The following METTL15 variants were observed in gnomAD, a reference collection of about 807,000 sequenced individuals.
METTL15 encodes the protein methyltransferase 15, mitochondrial 12S rRNA N4-cytidine.
METTL15 carries 34 observed loss-of-function variants against 38.3 expected under a neutral mutation model. That is an observed-to-expected ratio of 0.89 (90% CI 0.68 to 1.18). The LOEUF (loss-of-function observed/expected upper bound fraction) is 1.18. Ranked by LOEUF, METTL15 falls within the 50% of genes most tolerant of loss-of-function variation. The pLI is 0.00. For missense variants in METTL15, 438 were observed against 498.4 expected, an observed-to-expected ratio of 0.88 and a Z score of 1.15; for synonymous variants, 162 against 170.9, an observed-to-expected ratio of 0.95 and a Z score of 0.41.
At chr11:28,286,664 A>G (rs1158610258) in intron 4 of METTL15, among the ~76,000 whole-genome samples, 3 of 152,090 alleles carry the variant, frequency 2.0e-5, no homozygotes, top group Non-Finnish European at 4.4e-5. Context: ...ATTACTGAGA[A>G]TGTTCAAACG....
chr11:28,113,256 C>G (rs1265630175), intron 2 of METTL15, 62 bp from the exon 3 acceptor site: 1 of 1,134,286 alleles, frequency 8.8e-7, no homozygotes, highest in African/African-American at 1.6e-5. Context: ...TTTGATTTTC[C>G]CCAAGTATTA....
At chr11:28,128,568 C>G (rs1246959815) in intron 3 of METTL15, among the ~76,000 whole-genome samples, 1 of 151,974 alleles carries the variant, frequency 6.6e-6, no homozygotes, top group African/African-American at 2.4e-5. Flanking sequence ...GTGATAGAAA[C>G]TTAAATTTTT....
intron 4 of METTL15, among the ~76,000 whole-genome samples, chr11:28,274,344 T>C (rs1307407417): frequency 6.6e-6 from 1 of 152,078 alleles, no homozygotes; most frequent in Non-Finnish European, 1.5e-5. Flanking sequence ...ATTCTTCTTA[T>C]GTAATAACTA....
intron 6 of METTL15, among the ~76,000 whole-genome samples, chr11:28,321,745 G>A (rs1015857296): frequency 7.9e-5 from 12 of 152,010 alleles, no homozygotes; most frequent in African/African-American, 2.4e-4. Flanking sequence ...ATGATTGTGG[G>A]CTGGTGGAGG....
chr11:28,472,086 A>G (rs1307187018), intron 6 of METTL15, among the ~76,000 whole-genome samples: 1 of 152,178 alleles, frequency 6.6e-6, no homozygotes, highest in African/African-American at 2.4e-5. Context: ...GGTCTTTTTG[A>G]AGTACAAGTT....
chr11:28,444,907 A>T (rs1274577931), intron 6 of METTL15, among the ~76,000 whole-genome samples: 1 of 152,182 alleles, frequency 6.6e-6, no homozygotes, highest in South Asian at 2.1e-4. Context: ...TCAGTGTAAG[A>T]TAGACAGTGT....
intron 6 of METTL15, among the ~76,000 whole-genome samples, chr11:28,426,124 G>T (rs1850861768): frequency 6.6e-6 from 1 of 152,162 alleles, no homozygotes. Context: ...CAGGCCTCCA[G>T]TGTGTGTTGT....
intron 5 of METTL15, among the ~76,000 whole-genome samples, chr11:28,370,220 CCCTA>C (rs1479591013): frequency 6.6e-6 from 1 of 151,956 alleles, no homozygotes; most frequent in African/African-American, 2.4e-5. Flanking sequence ...CCCCCATCTC[CCCTA>C]CCTTTCTTGG....
At chr11:28,115,931 CACAT>C (rs1401275121) in intron 3 of METTL15, among the ~76,000 whole-genome samples, 7 of 97,802 alleles carry the variant, frequency 7.2e-5, no homozygotes, top group Non-Finnish European at 1.3e-4. Flanking sequence ...CACACACATA[CACAT>C]ACACACACAC....
chr11:28,408,777 CACAT>C (rs1329380497), intron 5 of METTL15, among the ~76,000 whole-genome samples: 2 of 152,114 alleles, frequency 1.3e-5, no homozygotes, highest in African/African-American at 4.8e-5. Flanking sequence ...TGCACACACA[CACAT>C]GTACATATAT....
In METTL15 at chr11:28,113,317, G is replaced by T. The variant is rs1226487571; in HGVS notation, c.-17-1G>T. The T allele has an allele frequency of 4.6e-5, 69 of 1,493,706 alleles. No individual in the cohort carries two copies. The highest frequency in any genetic ancestry group is 1.1e-4 in the Admixed American group (5 of 45,792). 92.5% of individuals were successfully genotyped at this position (1,493,706 alleles called of 1,614,324 possible). On this transcript the variant is annotated splice_acceptor_variant, in intron 2 of 6. Transcript: ENST00000407364. LOFTEE classifies it low-confidence loss of function (5UTR_SPLICE). ...AATCATATTTTAATTTTTTTTTCTA[G>T]ATTTGTTTACCTACAAAATGCTTCG...
intron 6 of METTL15, chr11:28,516,759 T>C (rs1184330507): frequency 1.3e-5 from 2 of 152,198 alleles, no homozygotes; most frequent in Non-Finnish European, 2.9e-5. Flanking sequence ...CTAGATGTGA[T>C]GACACTTGAG....
intron 5 of METTL15, among the ~76,000 whole-genome samples, chr11:28,406,473 G>T (rs1850674846): frequency 1.3e-5 from 2 of 151,964 alleles, no homozygotes; most frequent in Non-Finnish European, 2.9e-5. Context: ...GAAGCTTTTG[G>T]TGTACATGTG....
chr11:28,221,846 C>G (rs753908468), intron 4 of METTL15, among the ~76,000 whole-genome samples: 1 of 152,166 alleles, frequency 6.6e-6, no homozygotes, highest in Non-Finnish European at 1.5e-5. Flanking sequence ...TGGGTATCAG[C>G]AGAGGTGGCT....
Position 28,358,839 on chromosome 11 carries a change from C to T in METTL15, c.*259-3098C>T, listed in dbSNP as rs554493768. 4.6e-5 allele frequency among the ~76,000 whole-genome samples: 7 copies of T among 152,256 alleles called. No individual in the cohort carries two copies. The South Asian group carries it at 1.2e-3, about 27-fold the overall frequency. Reference sequence around the variant, plus strand: ...AAATAAACTGTAGAAACCAACACCCCAAAAGCTAAAGTATTTGTTGTATTT... The same window carrying T: ...AAATAAACTGTAGAAACCAACACCCTAAAAGCTAAAGTATTTGTTGTATTT... On this transcript the variant is annotated intron_variant and NMD_transcript_variant, in intron 4 of 7. Coordinates refer to the METTL15 transcript ENST00000532947.
chr11:28,528,800 G>A (rs1432363477), downstream of METTL15, among the ~76,000 whole-genome samples: 2 of 152,198 alleles, frequency 1.3e-5, no homozygotes, highest in African/African-American at 2.4e-5. Flanking sequence ...GCTTAACTGA[G>A]CACTCTTTAA....
chr11:28,316,599 A>G (rs1029215397), intron 6 of METTL15, among the ~76,000 whole-genome samples: 9 of 152,154 alleles, frequency 5.9e-5, no homozygotes, highest in Non-Finnish European at 1.0e-4. Flanking sequence ...TGAAGATAGG[A>G]TATTTGGGAG....
At chr11:28,267,477 T>C (rs1016843819) in intron 4 of METTL15, among the ~76,000 whole-genome samples, 1 of 152,204 alleles carries the variant, frequency 6.6e-6, no homozygotes, top group African/African-American at 2.4e-5. Flanking sequence ...TTCTCTACTT[T>C]ATGTTACTTT....
chr11:28,449,523 G>A (rs1354304880), intron 6 of METTL15, among the ~76,000 whole-genome samples: 1 of 152,188 alleles, frequency 6.6e-6, no homozygotes. Flanking sequence ...ATAGGTTAAT[G>A]TTTATGAACC....
Sources: allele counts gnomAD v4.1 joint callset (sites outside exome capture counted in the v4.1 genomes callset), GRCh38; gene constraint gnomAD v4.1.1; transcripts MANE v1.5; gene names NCBI Gene and HGNC (gene_info 2026-07-23, HGNC 2026-07-21).